Variants in ZNF565 observed in about 807,000 individuals in gnomAD.
The protein encoded by ZNF565 is zinc finger protein 565.
A neutral mutation model predicts 39.4 loss-of-function variants in ZNF565; 27 were observed. That is an observed-to-expected ratio of 0.69 (90% CI 0.51 to 0.95). ZNF565 has a LOEUF of 0.95. Ranked by LOEUF, ZNF565 falls within the 40% of genes least tolerant of loss-of-function variation. The pLI, the probability that ZNF565 is intolerant of heterozygous loss-of-function variation, is 0.00. For missense variants in ZNF565, 524 were observed against 621.1 expected (o/e 0.84, Z 1.66); for synonymous variants, 185 against 216.6 (o/e 0.85, Z 1.28).
At chr19:36,213,221 ATTTT>A (rs1479013896) in intron 1 of ZNF565, 1 of 152,174 alleles carries the variant, frequency 6.6e-6, no homozygotes, top group Non-Finnish European at 1.5e-5. Context: ...CCACTCTTTT[ATTTT>A]TTTGAGACAG....
At chr19:36,218,107 T>G (rs1976688914), upstream of ZNF565, 2 of 117,188 alleles carry the variant, frequency 1.7e-5, no homozygotes, top group South Asian at 6.2e-4. Context: ...TTTTTTTTTT[T>G]TTTTTAAATT....
In ZNF565 at chr19:36,245,523, C is replaced by A. The variant is rs1392695466; in HGVS notation, c.8G>T (p.Arg3Leu). ...GAGGGACCACCTTTCCCAGGGTCCA[C>A]GGCGCATTTAGGTGGTGGCTTGCTC... Residue 3 changes from arginine (R) to leucine (L), a missense_variant, in exon 1 of 5, where the codon CGT becomes CTT. By Grantham distance (102) the Arg-to-Leu change is moderately radical. Coordinates refer to the ZNF565 transcript ENST00000355114. The surrounding 1 kb of genome is among the most constrained non-coding windows in gnomAD (Gnocchi z 4.4). 4 of 702,212 alleles carry A rather than the reference C, an allele frequency of 5.7e-6. No individual in the cohort carries two copies. Among genetic ancestry groups the A allele is most frequent in the East Asian group, 2.7e-5 (1 of 37,302 alleles). The allele number at this position is 702,212 out of a possible 1,614,324, so 43.5% of individuals were successfully genotyped here.
At chr19:36,238,289 C>A (rs560192962) in intron 1 of ZNF565, 132 of 167,176 alleles carry the variant, frequency 7.9e-4, no homozygotes, top group African/African-American at 3.1e-3. Flanking sequence ...TCAGTACTAT[C>A]TATTGGTAAT....
chr19:36,211,589 C>T (rs754290499), intron 1 of ZNF565, among the ~76,000 whole-genome samples: 6 of 151,486 alleles, frequency 4.0e-5, no homozygotes, highest in East Asian at 1.9e-4. Flanking sequence ...GTTAGGAGAT[C>T]GAGACCATCC....
chr19:36,228,383 G>C (rs1331615106), intron 1 of ZNF565: 1 of 152,200 alleles, frequency 6.6e-6, no homozygotes, highest in East Asian at 1.9e-4. Flanking sequence ...TCAGGACCCT[G>C]AGTGGGAGTG....
chr19:36,193,020 G>A (rs1008569852), intron 4 of ZNF565, among the ~76,000 whole-genome samples: 1 of 151,308 alleles, frequency 6.6e-6, no homozygotes. Context: ...TTTTGAGATG[G>A]AGTCTCGCTC....
intron 1 of ZNF565, among the ~76,000 whole-genome samples, chr19:36,212,739 G>A (rs1394887772): frequency 6.6e-6 from 1 of 152,074 alleles, no homozygotes; most frequent in African/African-American, 2.4e-5. Flanking sequence ...GGAGCAGGGA[G>A]GATATAGGCC....
chr19:36,223,956 A>C (rs1976969886), intron 1 of ZNF565, among the ~76,000 whole-genome samples: 1 of 152,132 alleles, frequency 6.6e-6, no homozygotes, highest in African/African-American at 2.4e-5. Context: ...TCAGAGCAAT[A>C]GTTTTTTTAA....
chr19:36,213,797 C>G (rs958451500), intron 1 of ZNF565, among the ~76,000 whole-genome samples: 1 of 151,606 alleles, frequency 6.6e-6, no homozygotes, highest in African/African-American at 2.4e-5. Context: ...CCACACCCGG[C>G]CCTACATCCA....
At chr19:36,226,444 A>G (rs1422048219) in intron 1 of ZNF565, among the ~76,000 whole-genome samples, 1 of 152,190 alleles carries the variant, frequency 6.6e-6, no homozygotes, top group Non-Finnish European at 1.5e-5. Flanking sequence ...ATGCTTTTTT[A>G]TATGATTACA....
At chr19:36,240,860 ACT>A (rs936563610) in intron 1 of ZNF565, among the ~76,000 whole-genome samples, 2 of 141,148 alleles carry the variant, frequency 1.4e-5, no homozygotes, top group African/African-American at 5.7e-5. Flanking sequence ...ACAGAATGAG[ACT>A]CTATCTCAAA....
chr19:36,214,723 G>A (rs1403310008), upstream of ZNF565: 1 of 152,696 alleles, frequency 6.5e-6, no homozygotes, highest in African/African-American at 2.4e-5. Flanking sequence ...TCTGGGAATT[G>A]TAGTCCAGAG....
chr19:36,220,908 G>A (rs1012124289), intron 1 of ZNF565, among the ~76,000 whole-genome samples: 1 of 150,066 alleles, frequency 6.7e-6, no homozygotes. Flanking sequence ...GCAGAGTGCA[G>A]TGGTGTGATC....
In ZNF565 at chr19:36,183,422, G is replaced by A. The variant is rs181069376; in HGVS notation, c.544C>T (p.Leu182Phe). ...CGKAFSRGSHLIQHQKIHTGE... is the reference protein window; with the variant it reads ...CGKAFSRGSHFIQHQKIHTGE... ...GTGTGAATTTTCTGATGTTGAATAAGGTGTGAGCCACGGCTAAATGCTTTC... is the reference window on the plus strand; with the variant it reads ...GTGTGAATTTTCTGATGTTGAATAAAGTGTGAGCCACGGCTAAATGCTTTC... Residue 182 changes from leucine (L) to phenylalanine (F), a missense_variant, in exon 5 of 5, where the codon CTT (leucine) becomes TTT (phenylalanine). Physicochemically the swap from Leu to Phe is conservative, Grantham distance 22 (BLOSUM62 0). Transcript: ENST00000304116. The A allele has an allele frequency of 1.1e-5, 18 of 1,611,874 alleles. No individual in the cohort carries two copies. The highest frequency in any genetic ancestry group is 1.4e-5 in the Non-Finnish European group (16 of 1,177,986).
intron 1 of ZNF565, among the ~76,000 whole-genome samples, chr19:36,222,848 T>C (rs1195686862): frequency 1.4e-5 from 2 of 148,008 alleles, no homozygotes; most frequent in Non-Finnish European, 3.0e-5. Context: ...CTTTTTTTTT[T>C]AATCTTGCAG....
intron 2 of ZNF565, among the ~76,000 whole-genome samples, chr19:36,195,939 ATT>A (rs112487353): frequency 4.2e-5 from 6 of 141,538 alleles, no homozygotes; most frequent in African/African-American, 1.0e-4. Context: ...AAGATGAAGA[ATT>A]TTTTTTTTTT....
intron 1 of ZNF565, chr19:36,236,923 T>C: frequency 6.2e-7 from 1 of 1,614,144 alleles, no homozygotes. Context: ...GTAGTGAATG[T>C]GGAACAGCCT....
Position 36,182,371 on chromosome 19 carries a change from T to C in ZNF565, c.*95A>G. 1.9e-6 allele frequency: 2 copies of C among 1,076,100 alleles called. No homozygotes were observed. Among genetic ancestry groups the C allele is most frequent in the South Asian group, 5.0e-5 (2 of 39,968 alleles). The allele number at this position is 1,076,100 out of a possible 1,614,324, so 66.7% of individuals were successfully genotyped here. A position where few individuals can be genotyped will look rare whatever the true frequency, so the allele number is the denominator to read the frequency against. ...TATGATGGAAGTGACAGGTGTTTTCTGACATTAATTACACTACATTAAAAA... is the reference window on the plus strand; with the variant it reads ...TATGATGGAAGTGACAGGTGTTTTCCGACATTAATTACACTACATTAAAAA... On this transcript the variant is annotated 3_prime_UTR_variant, in exon 5 of 5. Coordinates refer to ENST00000304116, the MANE Select transcript of ZNF565 (RefSeq NM_152477.5).
chr19:36,190,512 G>T (rs1322841435), intron 4 of ZNF565, among the ~76,000 whole-genome samples: 1 of 151,242 alleles, frequency 6.6e-6, no homozygotes. Context: ...GGAGGCGGAA[G>T]TTGCGATGAG....
Sources: gnomAD v4.1 joint callset for allele counts (sites outside exome capture counted in the v4.1 genomes callset) on GRCh38, gnomAD v4.1.1 for gene constraint, Gnocchi (gnomAD v3.1) non-coding constraint, MANE v1.5 for transcripts, NCBI Gene and HGNC (gene_info 2026-07-23, HGNC 2026-07-21) for gene names.